TBC1D22A: variants seen among roughly 807,000 people sequenced by gnomAD.
The protein encoded by TBC1D22A is putative GTPase activator.
TBC1D22A carries 38 observed loss-of-function variants against 60.2 expected under a neutral mutation model. The ratio of observed to expected loss-of-function variants is 0.63; its 90% CI spans 0.49 to 0.83. The LOEUF (loss-of-function observed/expected upper bound fraction) is 0.83, where lower values mean the gene tolerates loss of function less well. Among genes scored for constraint, TBC1D22A ranks in the 40% least tolerant of loss-of-function variants. The pLI is 0.00. For synonymous variants in TBC1D22A, 302 were observed against 281.7 expected (o/e 1.07, Z -0.72); for missense variants, 628 against 701.0 (o/e 0.90, Z 1.18).
At chr22:47,072,435 C>T (rs1469282503) in intron 11 of TBC1D22A, among the ~76,000 whole-genome samples, 2 of 152,250 alleles carry the variant, frequency 1.3e-5, no homozygotes, top group African/African-American at 4.8e-5. Flanking sequence ...GTGCCTGGGC[C>T]TGCATTTGGC....
chr22:47,168,550 G>A (rs1428008540), intron 12 of TBC1D22A, among the ~76,000 whole-genome samples: 1 of 152,170 alleles, frequency 6.6e-6, no homozygotes, highest in Admixed American at 6.5e-5. Flanking sequence ...GGGCGGGCTC[G>A]GGCCCAGCAC....
At chr22:46,775,502 T>C (rs1441760483) in intron 1 of TBC1D22A, among the ~76,000 whole-genome samples, 2 of 152,222 alleles carry the variant, frequency 1.3e-5, no homozygotes, top group Non-Finnish European at 2.9e-5. Flanking sequence ...GTTTTGAGAC[T>C]GGGTCTGGCT....
At chr22:46,848,647 C>A (rs1273996447) in intron 4 of TBC1D22A, among the ~76,000 whole-genome samples, 1 of 152,148 alleles carries the variant, frequency 6.6e-6, no homozygotes, top group African/African-American at 2.4e-5. Flanking sequence ...TTTTGGTTGG[C>A]ATTGCTGAGT....
At chr22:46,915,059 G>T in intron 8 of TBC1D22A, 1 of 261,392 alleles carries the variant, frequency 3.8e-6, no homozygotes. Flanking sequence ...GCAGTGACAA[G>T]TAGTGGCATT....
intron 1 of TBC1D22A, among the ~76,000 whole-genome samples, chr22:46,776,251 C>T (rs894816618): frequency 6.6e-5 from 10 of 152,184 alleles, no homozygotes; most frequent in Non-Finnish European, 1.5e-5. Context: ...TTGAACACAG[C>T]CTGAGTGAGG....
In TBC1D22A at chr22:46,793,690, T is replaced by G. The variant is rs2084523520; in HGVS notation, c.309T>G (p.Arg103=). The change falls in exon 3 of 13, where the codon CGT becomes CGG. Residue 103 remains arginine, a synonymous_variant. Coordinates refer to ENST00000337137, the MANE Select transcript of TBC1D22A (RefSeq NM_014346.5). The part of the protein sequence containing the change: ...VVMETANRVL[R]NHSQRQGRPT... ...TGGAGACGGCCAACCGTGTGCTGCG[T>G]AACCACAGCCAGCGGCAGGGGCGGC... 1 of 1,612,754 alleles carries G rather than the reference T, an allele frequency of 6.2e-7. No homozygotes were observed. Among genetic ancestry groups the G allele is most frequent in the Non-Finnish European group, 8.5e-7 (1 of 1,179,900 alleles).
chr22:47,005,949 C>T (rs1569328451), intron 10 of TBC1D22A, among the ~76,000 whole-genome samples: 1 of 151,794 alleles, frequency 6.6e-6, no homozygotes, highest in Non-Finnish European at 1.5e-5. Flanking sequence ...TATATATACA[C>T]ACCCCTACAC....
chr22:46,863,005 A>G (rs544522162), intron 4 of TBC1D22A, among the ~76,000 whole-genome samples: 3 of 152,176 alleles, frequency 2.0e-5, no homozygotes, highest in Non-Finnish European at 4.4e-5. Context: ...GATTTCTACC[A>G]CTGCAGTTGC....
chr22:47,058,641 A>T (rs1020709364), intron 11 of TBC1D22A, among the ~76,000 whole-genome samples: 1 of 151,862 alleles, frequency 6.6e-6, no homozygotes, highest in Non-Finnish European at 1.5e-5. Flanking sequence ...ATTCCCTGTT[A>T]GCAAGGAGGC....
intron 11 of TBC1D22A, among the ~76,000 whole-genome samples, chr22:47,071,750 C>T (rs2064000651): frequency 6.6e-6 from 1 of 152,122 alleles, no homozygotes; most frequent in Admixed American, 6.5e-5. Context: ...AGAAATGAGC[C>T]AGTCCTAATA....
intron 12 of TBC1D22A, among the ~76,000 whole-genome samples, chr22:47,166,494 G>C (rs2068214312): frequency 6.6e-6 from 1 of 152,258 alleles, no homozygotes; most frequent in South Asian, 2.1e-4. Flanking sequence ...TCTAGAGTGT[G>C]TTCTGCACAG....
At chr22:47,094,709 T>C (rs1476404848) in intron 11 of TBC1D22A, among the ~76,000 whole-genome samples, 1 of 152,204 alleles carries the variant, frequency 6.6e-6, no homozygotes, top group Non-Finnish European at 1.5e-5. Context: ...TATGTCTTTC[T>C]CTTATACTAT....
intron 12 of TBC1D22A, among the ~76,000 whole-genome samples, chr22:47,156,407 G>A (rs1389314297): frequency 3.3e-5 from 5 of 152,294 alleles, no homozygotes; most frequent in Non-Finnish European, 5.9e-5. Context: ...TGGGGGAGGC[G>A]GCAGCCCTGC....
At position 47,037,079 on chromosome 22, in the gene TBC1D22A, C is replaced by A; in HGVS notation, c.1210C>A (p.His404Asn). Residue 404 changes from histidine (H) to asparagine (N), a missense_variant, in exon 11 of 13, where the codon CAC (histidine) becomes AAC (asparagine). Physicochemically the swap from His to Asn is moderately conservative, Grantham distance 68. Coordinates refer to ENST00000337137, the MANE Select transcript of TBC1D22A (RefSeq NM_014346.5). The stretch of plus-strand genomic sequence containing the variant: ...GTGTTTGTTTTGTGCAGAGCAAGTG[C>A]ACCGGCACCTGGACCAACACGAAGT... The part of the protein sequence containing the change: ...ELVSRIDEQV[H>N]RHLDQHEVRY... The A allele has an allele frequency of 6.2e-7, 1 of 1,613,718 alleles. No homozygotes were observed. The highest frequency in any genetic ancestry group is 8.5e-7 in the Non-Finnish European group (1 of 1,179,764).
At chr22:47,033,958 C>A (rs186634723) in intron 10 of TBC1D22A, among the ~76,000 whole-genome samples, 494 of 152,160 alleles carry the variant, frequency 3.2e-3, no homozygotes, top group Non-Finnish European at 5.2e-3. Flanking sequence ...CCTGGCACCC[C>A]CTTTGGTCTC....
At position 47,174,762 on chromosome 22, in the gene TBC1D22A, G is replaced by T. The variant is rs1383593985; in HGVS notation, c.*1136G>T. The T allele has an allele frequency of 1.3e-5, 2 of 148,894 alleles. No homozygotes were observed. Among genetic ancestry groups the T allele is most frequent in the African/African-American group, 4.9e-5 (2 of 41,144 alleles). The allele number at this position is 148,894 out of a possible 1,614,324, so 9.2% of individuals were successfully genotyped here. A position where few individuals can be genotyped will look rare whatever the true frequency, so the allele number is the denominator to read the frequency against. On this transcript the variant is annotated 3_prime_UTR_variant, in exon 13 of 13. Coordinates refer to ENST00000337137, the MANE Select transcript of TBC1D22A (RefSeq NM_014346.5). Reference sequence around the variant, plus strand: ...CGTGGACCAGTTCCCGCTGTATACTGGTTCTGCCCTGGACTGGTTCCCGCT... The same window carrying T: ...CGTGGACCAGTTCCCGCTGTATACTTGTTCTGCCCTGGACTGGTTCCCGCT...
intron 11 of TBC1D22A, among the ~76,000 whole-genome samples, chr22:47,106,165 A>G (rs1396603830): frequency 6.6e-6 from 1 of 152,236 alleles, no homozygotes; most frequent in Non-Finnish European, 1.5e-5. Context: ...ATAAAAAGAG[A>G]GGCTAAAGGA....
chr22:47,126,484 T>C (rs1455328893), intron 12 of TBC1D22A, among the ~76,000 whole-genome samples: 2 of 152,222 alleles, frequency 1.3e-5, no homozygotes, highest in Non-Finnish European at 2.9e-5. Flanking sequence ...GGATCCTGTC[T>C]CTGCAGCCTG....
chr22:47,054,894 G>A (rs1232352412), intron 11 of TBC1D22A, among the ~76,000 whole-genome samples: 1 of 152,176 alleles, frequency 6.6e-6, no homozygotes, highest in African/African-American at 2.4e-5. Flanking sequence ...ACAGACCGTG[G>A]GGTGTGGGTG....
Sources: allele counts gnomAD v4.1 joint callset (sites outside exome capture counted in the v4.1 genomes callset), GRCh38; gene constraint gnomAD v4.1.1; transcripts MANE v1.5; gene names NCBI Gene and HGNC (gene_info 2026-07-23, HGNC 2026-07-21).